Variants in NRXN3 observed in about 807,000 individuals in gnomAD.
The protein encoded by NRXN3 is neurexin III.
In NRXN3, 32 loss-of-function variants were observed where a neutral mutation model predicts 137.6. That is an observed-to-expected ratio of 0.23 (90% CI 0.18 to 0.31). The LOEUF is 0.31. Among genes scored for constraint, NRXN3 ranks in the 10% least tolerant of loss-of-function variants. The pLI is 1.00. For missense variants in NRXN3, 1,574 were observed against 2,062.5 expected (o/e 0.76, Z 4.59); for synonymous variants, 798 against 784.5 (o/e 1.02, Z -0.29).
At chr14:79,690,062 A>T (rs1024372486) in intron 17 of NRXN3, among the ~76,000 whole-genome samples, 1 of 152,184 alleles carries the variant, frequency 6.6e-6, no homozygotes, top group Non-Finnish European at 1.5e-5. Context: ...AAAGTAATAG[A>T]ATACATTCAA....
chr14:78,472,634 T>G (rs769406743), intron 4 of NRXN3, among the ~76,000 whole-genome samples: 6 of 152,230 alleles, frequency 3.9e-5, no homozygotes, highest in African/African-American at 7.2e-5. Flanking sequence ...GGAGGTAGTC[T>G]GCTAGATGAG....
intron 7 of NRXN3, 141 bp from the exon 8 acceptor site, chr14:78,714,615 T>C: frequency 1.0e-6 from 1 of 996,014 alleles, no homozygotes; most frequent in Non-Finnish European, 1.5e-6. Context: ...GTCTTTTCCA[T>C]TGTCTTGTAA....
chr14:78,844,327 G>GTT (rs1227382438), intron 10 of NRXN3, among the ~76,000 whole-genome samples: 1 of 152,060 alleles, frequency 6.6e-6, no homozygotes, highest in African/African-American at 2.4e-5. Flanking sequence ...GTCATATAAG[G>GTT]TAATAGTCAC....
intron 20 of NRXN3, among the ~76,000 whole-genome samples, chr14:79,811,301 G>A (rs1396956592): frequency 6.6e-6 from 1 of 152,142 alleles, no homozygotes; most frequent in Non-Finnish European, 1.5e-5. Flanking sequence ...AAAGAGAACT[G>A]TATATCGATA....
intron 4 of NRXN3, among the ~76,000 whole-genome samples, chr14:78,326,558 G>C (rs747690361): frequency 1.7e-4 from 26 of 151,982 alleles, no homozygotes; most frequent in Admixed American, 8.5e-4. Flanking sequence ...TAATTGAAGG[G>C]AAAAAAAGAA....
chr14:78,792,848 A>T (rs997175586), intron 8 of NRXN3, among the ~76,000 whole-genome samples: 1 of 152,240 alleles, frequency 6.6e-6, no homozygotes, highest in Admixed American at 6.5e-5. Flanking sequence ...ACCAGCAGAC[A>T]TTCACAAATA....
intron 15 of NRXN3, among the ~76,000 whole-genome samples, chr14:79,024,189 C>G (rs932872275): frequency 2.1e-4 from 32 of 152,078 alleles, no homozygotes; most frequent in Non-Finnish European, 8.8e-5. Context: ...TTCTTACATA[C>G]AGAGGGTGGC....
At chr14:79,553,510 T>C (rs1292870953) in intron 16 of NRXN3, among the ~76,000 whole-genome samples, 2 of 152,144 alleles carry the variant, frequency 1.3e-5, no homozygotes, top group Non-Finnish European at 2.9e-5. Context: ...TCCCACCCAA[T>C]GCCACCTAAC....
chr14:79,315,808 A>C (rs1429660390), intron 15 of NRXN3, among the ~76,000 whole-genome samples: 1 of 152,254 alleles, frequency 6.6e-6, no homozygotes, highest in Non-Finnish European at 1.5e-5. Flanking sequence ...CAATAGAAAG[A>C]AGTTATACTT....
intron 15 of NRXN3, among the ~76,000 whole-genome samples, chr14:79,418,846 G>A (rs1219995511): frequency 6.6e-6 from 1 of 152,192 alleles, no homozygotes; most frequent in Non-Finnish European, 1.5e-5. Context: ...GGCAAGCCCT[G>A]CATCTGCCAC....
intron 10 of NRXN3, among the ~76,000 whole-genome samples, chr14:78,848,254 G>T (rs944436282): frequency 6.6e-6 from 1 of 152,122 alleles, no homozygotes; most frequent in Non-Finnish European, 1.5e-5. Flanking sequence ...AATGGAGGAT[G>T]CTCAGGGATC....
intron 20 of NRXN3, among the ~76,000 whole-genome samples, chr14:79,818,955 A>T (rs2099261987): frequency 6.6e-6 from 1 of 152,202 alleles, no homozygotes; most frequent in South Asian, 2.1e-4. Flanking sequence ...CATAAACTGG[A>T]AAATGTGTAT....
intron 1 of NRXN3, among the ~76,000 whole-genome samples, chr14:78,194,194 T>C (rs527564646): frequency 5.3e-5 from 8 of 152,344 alleles, no homozygotes; most frequent in Admixed American, 3.3e-4. Flanking sequence ...ATTCATCCCA[T>C]TGCAGCCTTG....
intron 15 of NRXN3, among the ~76,000 whole-genome samples, chr14:79,222,564 A>G (rs528624492): frequency 2.0e-5 from 3 of 152,264 alleles, no homozygotes; most frequent in South Asian, 4.1e-4. Context: ...GCTGGATTGT[A>G]TGGTAAGTGT....
At chr14:78,902,728 T>G (rs2099200891) in intron 10 of NRXN3, among the ~76,000 whole-genome samples, 1 of 152,050 alleles carries the variant, frequency 6.6e-6, no homozygotes, top group African/African-American at 2.4e-5. Context: ...CTTGTCTAAC[T>G]GAGTCCAGAG....
intron 17 of NRXN3, among the ~76,000 whole-genome samples, chr14:79,668,746 C>T (rs533925420): frequency 4.6e-5 from 7 of 152,016 alleles, no homozygotes; most frequent in Admixed American, 4.6e-4. Context: ...GGATGTTTAG[C>T]AGCATCCATG....
At chr14:78,874,247 C>T (rs1425012660) in intron 10 of NRXN3, among the ~76,000 whole-genome samples, 1 of 152,178 alleles carries the variant, frequency 6.6e-6, no homozygotes, top group Non-Finnish European at 1.5e-5. Context: ...TCTGGGATTA[C>T]AGGCGTGAGC....
At chr14:79,008,402 A>G (rs1184925617) in intron 15 of NRXN3, among the ~76,000 whole-genome samples, 3 of 152,292 alleles carry the variant, frequency 2.0e-5, no homozygotes, top group African/African-American at 4.8e-5. Context: ...AGTTTTTATT[A>G]TTGAACACAG....
At chr14:79,495,428 T>A (rs1489333111) in intron 16 of NRXN3, among the ~76,000 whole-genome samples, 1 of 147,626 alleles carries the variant, frequency 6.8e-6, no homozygotes, top group Non-Finnish European at 1.5e-5. Flanking sequence ...TCTTTCTACA[T>A]TTTTTTTTTC....
Sources: gnomAD v4.1 joint callset for allele counts (sites outside exome capture counted in the v4.1 genomes callset) on GRCh38, gnomAD v4.1.1 for gene constraint, MANE v1.5 for transcripts, NCBI Gene and HGNC (gene_info 2026-07-23, HGNC 2026-07-21) for gene names.